Variants in MEIS2 observed in about 807,000 individuals in gnomAD.
MEIS2 encodes the protein homeobox protein Meis2.
A neutral mutation model predicts 58.6 loss-of-function variants in MEIS2; 9 were observed. The ratio of observed to expected loss-of-function variants is 0.15; its 90% CI spans 0.09 to 0.27. The LOEUF is 0.27. Among genes scored for constraint, MEIS2 ranks in the 10% least tolerant of loss-of-function variants. The pLI is 1.00. For synonymous variants in MEIS2, 221 were observed against 228.4 expected, an observed-to-expected ratio of 0.97 and a Z score of 0.29; for missense variants, 427 against 635.0, an observed-to-expected ratio of 0.67 and a Z score of 3.52.
intron 4 of MEIS2, chr15:37,094,942 T>TAAAAAAA (rs77378334): frequency 1.2e-5 from 1 of 82,256 alleles, no homozygotes; most frequent in Non-Finnish European, 2.5e-5. Flanking sequence ...TTTTTTTCCT[T>TAAAAAAA]AAAAAAAAAA....
intron 8 of MEIS2, among the ~76,000 whole-genome samples, chr15:36,958,423 A>G (rs2059066108): frequency 6.6e-6 from 1 of 152,190 alleles, no homozygotes; most frequent in South Asian, 2.1e-4. Flanking sequence ...GTACCTTAGG[A>G]TAAGGAGAAA....
chr15:37,098,808 G>T, intron 1 of MEIS2: 3 of 617,206 alleles, frequency 4.9e-6, no homozygotes, highest in Non-Finnish European at 6.1e-6. Flanking sequence ...CTAATAATCA[G>T]CACGAGAACG....
At chr15:37,018,722 A>G (rs1200339783) in intron 8 of MEIS2, among the ~76,000 whole-genome samples, 2 of 152,214 alleles carry the variant, frequency 1.3e-5, no homozygotes, top group African/African-American at 4.8e-5. Context: ...CTTATAATGT[A>G]CCAGTACAAC....
intron 8 of MEIS2, among the ~76,000 whole-genome samples, chr15:37,030,818 A>G (rs2061890397): frequency 6.7e-6 from 1 of 149,740 alleles, no homozygotes; most frequent in African/African-American, 2.5e-5. Flanking sequence ...TTAAAAAAAA[A>G]TTATAGAGAT....
chr15:36,950,646 A>G (rs1476863270), intron 8 of MEIS2, among the ~76,000 whole-genome samples: 2 of 152,184 alleles, frequency 1.3e-5, no homozygotes, highest in Middle Eastern at 3.4e-3. Flanking sequence ...AAGTTATGCA[A>G]TTTCTTTAAT....
At chr15:37,064,269 A>G (rs973891367) in intron 7 of MEIS2, among the ~76,000 whole-genome samples, 1 of 152,186 alleles carries the variant, frequency 6.6e-6, no homozygotes, top group East Asian at 1.9e-4. Context: ...TATTTTCAGG[A>G]CAGAAAGCAA....
chr15:36,932,494 G>A (rs887458031), intron 9 of MEIS2, among the ~76,000 whole-genome samples: 1 of 152,090 alleles, frequency 6.6e-6, no homozygotes, highest in Non-Finnish European at 1.5e-5. Context: ...ATGAGGAATA[G>A]TGATTATGGT....
intron 8 of MEIS2, among the ~76,000 whole-genome samples, chr15:36,978,693 G>A (rs1227794226): frequency 6.6e-6 from 1 of 152,056 alleles, no homozygotes; most frequent in African/African-American, 2.4e-5. Context: ...ATTTGAATTT[G>A]TATCTTTTAC....
At chr15:37,041,617 G>A (rs1316741510) in intron 7 of MEIS2, among the ~76,000 whole-genome samples, 1 of 152,042 alleles carries the variant, frequency 6.6e-6, no homozygotes, top group Non-Finnish European at 1.5e-5. Flanking sequence ...GATACCATCG[G>A]CATCTGGGTG....
Position 37,098,167 on chromosome 15 carries a change from G to C in MEIS2, c.45C>G (p.Asp15Glu). ...ACATGGAAGCGGGAACCCCTACTCC[G>C]TCCATCCCGCCGTAATGGGGCAGCT... Reference protein sequence around the residue: ...YDELPHYGGMDGVGVPASMYG... With the variant: ...YDELPHYGGMEGVGVPASMYG... The change falls in exon 2 of 12, where the codon GAC becomes GAG. Residue 15 changes from aspartate (D) to glutamate (E), a missense_variant. Physicochemically the swap from Asp to Glu is conservative, Grantham distance 45. Around this residue, in one of 6 missense-constraint regions of MEIS2, gnomAD observed 103 missense variants for 111.8 expected, o/e 0.92. Transcript: ENST00000561208. 6.2e-7 allele frequency: 1 copy of C among 1,602,948 alleles called. No individual in the cohort carries two copies. The highest frequency in any genetic ancestry group is 1.3e-5 in the African/African-American group (1 of 74,824).
chr15:36,946,694 A>C (rs1344028475), intron 9 of MEIS2, among the ~76,000 whole-genome samples: 1 of 151,980 alleles, frequency 6.6e-6, no homozygotes, highest in Non-Finnish European at 1.5e-5. Context: ...CTGACCACTT[A>C]GCATGCAGAG....
intron 8 of MEIS2, among the ~76,000 whole-genome samples, chr15:36,970,998 G>A (rs1395401951): frequency 1.3e-5 from 2 of 150,758 alleles, no homozygotes; most frequent in South Asian, 2.1e-4. Context: ...GAAACTTTTA[G>A]AAGTTTTAAT....
At chr15:37,034,754 C>A (rs1412065521) in intron 8 of MEIS2, among the ~76,000 whole-genome samples, 1 of 152,146 alleles carries the variant, frequency 6.6e-6, no homozygotes, top group African/African-American at 2.4e-5. Context: ...CCGTATTTCT[C>A]CCTTGTGACT....
rs546272344 is a variant in MEIS2 at position 37,025,727 on chromosome 15, A to G, written c.900+11087T>C. Reference sequence around the variant, plus strand: ...GTACATAAGGACCAAAGAGCATGAAATCATTTTTCTGTCAAACTTGCTCTG... The same window carrying G: ...GTACATAAGGACCAAAGAGCATGAAGTCATTTTTCTGTCAAACTTGCTCTG... On this transcript the variant is annotated intron_variant, in intron 8 of 11. Transcript: ENST00000561208. Among the ~76,000 whole-genome samples the G allele has an allele frequency of 8.0e-5, 12 of 150,606 alleles. No individual in the cohort carries two copies. In the South Asian group the frequency reaches 2.5e-3, roughly 32 times the overall value.
At chr15:36,943,162 T>C (rs1385517176) in intron 9 of MEIS2, among the ~76,000 whole-genome samples, 2 of 152,192 alleles carry the variant, frequency 1.3e-5, no homozygotes, top group East Asian at 3.8e-4. Flanking sequence ...TTTTTTCCTG[T>C]TTAAAAATAA....
intron 11 of MEIS2, chr15:36,894,761 T>C: frequency 6.2e-7 from 1 of 1,613,938 alleles, no homozygotes; most frequent in Non-Finnish European, 8.5e-7. Flanking sequence ...AGGTTACATG[T>C]AGTGCCATTG....
chr15:36,961,716 A>T (rs1200321324), intron 8 of MEIS2, among the ~76,000 whole-genome samples: 1 of 152,152 alleles, frequency 6.6e-6, no homozygotes, highest in African/African-American at 2.4e-5. Context: ...AAATAGTCTA[A>T]TCATCTCTCT....
chr15:36,904,676 A>G (rs1451929583), intron 9 of MEIS2, among the ~76,000 whole-genome samples: 2 of 152,052 alleles, frequency 1.3e-5, no homozygotes, highest in African/African-American at 2.4e-5. Context: ...AGATCCATCA[A>G]AAATGTTTAT....
At chr15:37,045,400 G>A (rs1383475778) in intron 7 of MEIS2, among the ~76,000 whole-genome samples, 1 of 151,762 alleles carries the variant, frequency 6.6e-6, no homozygotes, top group African/African-American at 2.4e-5. Context: ...TTCTTTCAGC[G>A]GTTGTCAGGG....
Sources: gnomAD v4.1 joint callset for allele counts (sites outside exome capture counted in the v4.1 genomes callset) on GRCh38, gnomAD v4.1.1 for gene constraint, gnomAD v4.1.1 regional missense constraint, MANE v1.5 for transcripts, NCBI Gene and HGNC (gene_info 2026-07-23, HGNC 2026-07-21) for gene names.